BNC2: variants seen among roughly 807,000 people sequenced by gnomAD.
The protein encoded by BNC2 is basonuclin zinc finger protein 2, also known as zinc finger protein basonuclin-2.
Under a neutral mutation model 76.3 loss-of-function variants are expected in BNC2, and 20 were observed. The ratio of observed to expected loss-of-function variants is 0.26; its 90% confidence interval spans 0.18 to 0.38. BNC2 has a LOEUF of 0.38. BNC2 is among the 10% of genes least tolerant of loss of function. The pLI is 1.00. For synonymous variants in BNC2, 582 were observed against 514.8 expected (o/e 1.13, Z -1.77); for missense variants, 1,382 against 1,399.8 (o/e 0.99, Z 0.20).
At chr9:16,834,175 C>A (rs1263263507) in intron 1 of BNC2, among the ~76,000 whole-genome samples, 3 of 140,484 alleles carry the variant, frequency 2.1e-5, no homozygotes, top group African/African-American at 8.1e-5. Context: ...CTCAAAAAAA[C>A]TTTGACCATC....
rs192213375 is a variant in BNC2 at position 16,479,327 on chromosome 9, G to C, written c.670-41803C>G. Among the ~76,000 whole-genome samples, 378 of 151,844 alleles carry C rather than the reference G, an allele frequency of 2.5e-3. 2 individuals carry two copies. Among genetic ancestry groups the C allele is most frequent in the Non-Finnish European group, 2.5e-3 (172 of 67,966 alleles). On this transcript the variant is annotated intron_variant, in intron 5 of 6. Coordinates refer to ENST00000380672, the MANE Select transcript of BNC2 (RefSeq NM_017637.6). ...TGGTTGGAAATTTATCCCCAACTTT[G>C]ACTAAAATGGGATTTCAGAGGGTGT...
In BNC2 at chr9:16,415,590, T is replaced by C. The variant is rs1302747313; in HGVS notation, c.*3399A>G. The stretch of plus-strand genomic sequence containing the variant: ...TAGGAATGGGCAAAGATGAGCTCCA[T>C]GACTAAAACGCTGATCTCTTTATCC... On this transcript the variant is annotated 3_prime_UTR_variant, in exon 7 of 7. Coordinates refer to ENST00000380672, the MANE Select transcript of BNC2 (RefSeq NM_017637.6). 6.6e-6 allele frequency: 1 copy of C among 152,224 alleles called. No homozygotes were observed. The highest frequency in any genetic ancestry group is 2.4e-5 in the African/African-American group (1 of 41,474). The allele number at this position is 152,224 out of a possible 1,614,324, so 9.4% of individuals were successfully genotyped here.
chr9:16,496,052 G>A (rs946520567), intron 5 of BNC2, among the ~76,000 whole-genome samples: 4 of 151,628 alleles, frequency 2.6e-5, no homozygotes, highest in Non-Finnish European at 5.9e-5. Context: ...GGGATTACAG[G>A]TGCCCACCAC....
At chr9:16,601,743 T>C (rs1248752112) in intron 3 of BNC2, among the ~76,000 whole-genome samples, 2 of 152,182 alleles carry the variant, frequency 1.3e-5, no homozygotes, top group Non-Finnish European at 2.9e-5. Flanking sequence ...GACTAATCAA[T>C]TCCCTTAGTA....
intron 6 of BNC2, chr9:16,421,221 C>T (rs1419906838): frequency 7.9e-7 from 1 of 1,272,014 alleles, no homozygotes; most frequent in East Asian, 5.7e-5. Flanking sequence ...GGGCAGAGGG[C>T]AGCAGCCCTC....
At chr9:16,688,486 T>G (rs1270950413) in intron 3 of BNC2, among the ~76,000 whole-genome samples, 1 of 152,180 alleles carries the variant, frequency 6.6e-6, no homozygotes, top group Non-Finnish European at 1.5e-5. Flanking sequence ...AATTTTAAAC[T>G]GATTTGGGGA....
At chr9:16,424,864 C>T (rs574394733) in intron 6 of BNC2, among the ~76,000 whole-genome samples, 13 of 152,158 alleles carry the variant, frequency 8.5e-5, no homozygotes, top group Admixed American at 2.0e-4. Context: ...ACACTTACCT[C>T]AACATTTTTG....
intron 5 of BNC2, among the ~76,000 whole-genome samples, chr9:16,455,161 G>T (rs1323840989): frequency 6.6e-6 from 1 of 152,166 alleles, no homozygotes. Flanking sequence ...ACTGCCCAAT[G>T]GTGAAACTGA....
chr9:16,457,007 G>GGA (rs1055559806), intron 5 of BNC2, among the ~76,000 whole-genome samples: 1 of 151,994 alleles, frequency 6.6e-6, no homozygotes, highest in Non-Finnish European at 1.5e-5. Context: ...TATGTGGTGG[G>GGA]GAGAGAGAGA....
chr9:16,757,938 T>G (rs865867533), intron 1 of BNC2, among the ~76,000 whole-genome samples: 22 of 152,206 alleles, frequency 1.4e-4, no homozygotes, highest in African/African-American at 5.3e-4. Context: ...GTTTTCTATG[T>G]CTACCCTAAA....
intron 3 of BNC2, among the ~76,000 whole-genome samples, chr9:16,594,057 C>A (rs866039925): frequency 4.6e-5 from 7 of 151,970 alleles, no homozygotes; most frequent in African/African-American, 1.7e-4. Context: ...AAAACAATTA[C>A]TAATATAATA....
Position 16,870,637 on chromosome 9 carries a change from A to G in BNC2, c.3+9T>C. 1 of 1,610,642 alleles carries G rather than the reference A, an allele frequency of 6.2e-7. No individual in the cohort carries two copies. Among genetic ancestry groups the G allele is most frequent in the South Asian group, 1.1e-5 (1 of 90,716 alleles). On this transcript the variant is annotated intron_variant, in intron 1 of 6. Coordinates refer to ENST00000380672, the MANE Select transcript of BNC2 (RefSeq NM_017637.6). The stretch of plus-strand genomic sequence containing the variant: ...GAATAAAAGAGGAAGGAGGGTGGAA[A>G]CTTCTTACCATCTCGGCATGCTGGT...
chr9:16,646,986 G>A (rs1821647408), intron 3 of BNC2, among the ~76,000 whole-genome samples: 1 of 152,240 alleles, frequency 6.6e-6, no homozygotes, highest in African/African-American at 2.4e-5. Context: ...GCCCACCCAT[G>A]AGCAGACATG....
intron 5 of BNC2, among the ~76,000 whole-genome samples, chr9:16,520,165 G>A (rs1376943363): frequency 6.6e-6 from 1 of 152,164 alleles, no homozygotes; most frequent in Non-Finnish European, 1.5e-5. Context: ...CCTTTCCCGT[G>A]CTTCTTGATG....
At chr9:16,646,113 A>G (rs1461937353) in intron 3 of BNC2, among the ~76,000 whole-genome samples, 1 of 152,224 alleles carries the variant, frequency 6.6e-6, no homozygotes, top group Non-Finnish European at 1.5e-5. Context: ...GAGGATAGCA[A>G]AAGTTTTAAG....
intron 1 of BNC2, among the ~76,000 whole-genome samples, chr9:16,869,779 TG>T (rs996239162): frequency 5.9e-5 from 9 of 152,212 alleles, no homozygotes; most frequent in African/African-American, 2.2e-4. Context: ...GGGGCTGTGC[TG>T]GAGTCTCGCT....
At chr9:16,849,914 G>A (rs924450362) in intron 1 of BNC2, among the ~76,000 whole-genome samples, 5 of 151,984 alleles carry the variant, frequency 3.3e-5, no homozygotes, top group South Asian at 2.1e-4. Context: ...AGACCAGTAT[G>A]AATAAGGCTG....
intron 5 of BNC2, among the ~76,000 whole-genome samples, chr9:16,465,047 CCT>C (rs1821674545): frequency 1.3e-5 from 2 of 152,154 alleles, no homozygotes; most frequent in Non-Finnish European, 2.9e-5. Flanking sequence ...GTAATGGCTC[CCT>C]GTCTTCCAGA....
chr9:16,596,903 C>T (rs1820103031), intron 3 of BNC2, among the ~76,000 whole-genome samples: 1 of 151,988 alleles, frequency 6.6e-6, no homozygotes, highest in Non-Finnish European at 1.5e-5. Context: ...AAAAATACTC[C>T]AAAAATATAA....
Sources: allele counts gnomAD v4.1 joint callset (sites outside exome capture counted in the v4.1 genomes callset), GRCh38; gene constraint gnomAD v4.1.1; transcripts MANE v1.5; gene names NCBI Gene and HGNC (gene_info 2026-07-23, HGNC 2026-07-21).